The following ITCH variants were observed in gnomAD, a reference collection of about 807,000 sequenced individuals.
The protein encoded by ITCH is itchy E3 ubiquitin protein ligase, also known as E3 ubiquitin-protein ligase Itchy homolog.
In ITCH, 28 loss-of-function variants were observed where a neutral mutation model predicts 126.8. The ratio of observed to expected loss-of-function variants is 0.22; its 90% CI spans 0.16 to 0.30. The LOEUF (loss-of-function observed/expected upper bound fraction) is 0.30, where lower values mean the gene tolerates loss of function less well. Among genes scored for constraint, ITCH ranks in the 10% least tolerant of loss-of-function variants. ITCH has a pLI of 1.00. For synonymous variants in ITCH, 342 were observed against 340.0 expected (o/e 1.01, Z -0.06); for missense variants, 631 against 1,032.4 (o/e 0.61, Z 5.33).
chr20:34,387,788 T>G (rs1355803774), intron 2 of ITCH, among the ~76,000 whole-genome samples: 1 of 151,972 alleles, frequency 6.6e-6, no homozygotes, highest in Non-Finnish European at 1.5e-5. Flanking sequence ...CACTGTAACC[T>G]CCGCCTCCTG....
chr20:34,466,324 A>AT (rs753409530), intron 14 of ITCH: 170 of 515,830 alleles, frequency 3.3e-4, no homozygotes, highest in Middle Eastern at 6.4e-4. Flanking sequence ...TTTTTTGCTG[A>AT]TTTTTTTTTA....
At chr20:34,437,678 A>C (rs1983198727) in intron 7 of ITCH, among the ~76,000 whole-genome samples, 1 of 152,176 alleles carries the variant, frequency 6.6e-6, no homozygotes, top group African/African-American at 2.4e-5. Flanking sequence ...ATGGGTTAGT[A>C]CTGTGTAGTG....
In ITCH at chr20:34,454,817, GTTTTTTTTTTTTTT is replaced by G. The variant is rs200486269; in HGVS notation, c.1211-2557_1211-2544del. Among the ~76,000 whole-genome samples, 240 of 109,550 alleles carry G rather than the reference GTTTTTTTTTTTTTT, an allele frequency of 2.2e-3. 3 individuals are homozygous for G. The highest frequency in any genetic ancestry group is 3.7e-3 in the African/African-American group (98 of 26,396). 71.9% of individuals were successfully genotyped at this position (109,550 alleles called of 152,430 possible). On this transcript the variant is annotated intron_variant, in intron 12 of 24. Transcript: ENST00000374864. Reference sequence around the variant, plus strand: ...ACCAATTTTTCTTTTTTCTTTTCCTGTTTTTTTTTTTTTTTTTTTTTTTTTTTTTGAGATGGAGT... The same window carrying G: ...ACCAATTTTTCTTTTTTCTTTTCCTGTTTTTTTTTTTTTTTGAGATGGAGT...
intron 6 of ITCH, among the ~76,000 whole-genome samples, chr20:34,420,655 AT>A (rs1239654353): frequency 6.6e-6 from 1 of 151,860 alleles, no homozygotes; most frequent in Middle Eastern, 3.4e-3. Context: ...CTTCCTTGTA[AT>A]TTTTTTTGAT....
chr20:34,437,190 G>T lies in ITCH; in HGVS notation c.522-1284G>T, dbSNP rs546167885. ...GAGAGAGATGTTAATTAGCTTGACT[G>T]TAGTACTTTTTTTCACTATGTATAT... On this transcript the variant is annotated intron_variant, in intron 7 of 24. Transcript: ENST00000374864. Among the ~76,000 whole-genome samples the T allele has an allele frequency of 2.0e-5, 3 of 152,124 alleles. No individual in the cohort carries two copies. The East Asian group carries it at 5.8e-4, about 29-fold the overall frequency.
At chr20:34,457,247 C>A in intron 12 of ITCH, 143 bp from the exon 13 acceptor site, 2 of 671,244 alleles carry the variant, frequency 3.0e-6, no homozygotes, top group East Asian at 5.5e-5. Flanking sequence ...ATAAATTAAA[C>A]CTTTTAAAGC....
At chr20:34,387,467 T>C (rs1337325395) in intron 2 of ITCH, among the ~76,000 whole-genome samples, 1 of 151,892 alleles carries the variant, frequency 6.6e-6, no homozygotes, top group African/African-American at 2.4e-5. Flanking sequence ...CCTGTCTCTA[T>C]CTCCCTGTAA....
chr20:34,460,829 T>TG (rs1986438891), intron 13 of ITCH, among the ~76,000 whole-genome samples: 1 of 152,088 alleles, frequency 6.6e-6, no homozygotes, highest in African/African-American at 2.4e-5. Context: ...AAGACCAGCC[T>TG]GGGGAACATA....
At chr20:34,403,738 A>C (rs559324555) in intron 3 of ITCH, among the ~76,000 whole-genome samples, 1 of 152,292 alleles carries the variant, frequency 6.6e-6, no homozygotes, top group Non-Finnish European at 1.5e-5. Flanking sequence ...CTTAGGATTA[A>C]AGAAGCCTTT....
rs1978348950 is a variant in ITCH, at chr20:34,508,078, T to C, written c.*284T>C. 2.5e-6 allele frequency: 1 copy of C among 393,412 alleles called. No individual in the cohort carries two copies. The highest frequency in any genetic ancestry group is 5.6e-5 in the East Asian group (1 of 17,732). The allele number at this position is 393,412 out of a possible 1,614,324, so 24.4% of individuals were successfully genotyped here. ...CACTAGTTTATTCCTTTAACAACAATATTTTATGTGTGTCAAAAGTCTCAC... is the reference window on the plus strand; with the variant it reads ...CACTAGTTTATTCCTTTAACAACAACATTTTATGTGTGTCAAAAGTCTCAC... On this transcript the variant is annotated 3_prime_UTR_variant, in exon 25 of 25. Transcript: ENST00000374864.
chr20:34,398,993 A>T (rs1363090041), intron 3 of ITCH, among the ~76,000 whole-genome samples: 1 of 152,200 alleles, frequency 6.6e-6, no homozygotes, highest in Admixed American at 6.5e-5. Flanking sequence ...CCTTAATGAC[A>T]TCGTGGGTTT....
chr20:34,455,537 A>C (rs1355129011), intron 12 of ITCH, among the ~76,000 whole-genome samples: 1 of 150,484 alleles, frequency 6.6e-6, no homozygotes, highest in East Asian at 2.0e-4. Flanking sequence ...ATCTCGGCAC[A>C]CTGTAACCTC....
At chr20:34,504,902 A>T (rs191463549) in intron 24 of ITCH, among the ~76,000 whole-genome samples, 1 of 152,076 alleles carries the variant, frequency 6.6e-6, no homozygotes, top group Non-Finnish European at 1.5e-5. Context: ...ACTAATGTCT[A>T]TTCCTTTTTG....
At chr20:34,486,773 C>CTCTAA (rs1989153207) in intron 20 of ITCH, among the ~76,000 whole-genome samples, 1 of 151,600 alleles carries the variant, frequency 6.6e-6, no homozygotes. Flanking sequence ...TCTTGCCTCA[C>CTCTAA]GGCAGCGTCC....
At chr20:34,395,106 A>G (rs940004214) in intron 3 of ITCH, among the ~76,000 whole-genome samples, 12 of 151,670 alleles carry the variant, frequency 7.9e-5, no homozygotes, top group Non-Finnish European at 1.2e-4. Flanking sequence ...GGCGGTGCAC[A>G]CCTGTAATCC....
chr20:34,430,772 C>T (rs763455319), intron 7 of ITCH, among the ~76,000 whole-genome samples: 1 of 152,102 alleles, frequency 6.6e-6, no homozygotes, highest in Non-Finnish European at 1.5e-5. Context: ...GTCACCACGC[C>T]CAGCCTAAAA....
At chr20:34,407,196 A>C (rs2146139183) in intron 3 of ITCH, among the ~76,000 whole-genome samples, 1 of 152,326 alleles carries the variant, frequency 6.6e-6, no homozygotes, top group South Asian at 2.1e-4. Context: ...AGATGTTAAA[A>C]AAAAAATCTT....
At chr20:34,399,022 G>A (rs185184390) in intron 3 of ITCH, among the ~76,000 whole-genome samples, 1 of 152,162 alleles carries the variant, frequency 6.6e-6, no homozygotes, top group African/African-American at 2.4e-5. Flanking sequence ...TAATGGGTCA[G>A]TTATAGTATT....
intron 6 of ITCH, among the ~76,000 whole-genome samples, chr20:34,421,569 A>G (rs1388285157): frequency 6.6e-6 from 1 of 151,920 alleles, no homozygotes; most frequent in African/African-American, 2.4e-5. Context: ...CTCTTCTTGG[A>G]CGTTCATTGT....
Sources: allele counts gnomAD v4.1 joint callset (sites outside exome capture counted in the v4.1 genomes callset), GRCh38; gene constraint gnomAD v4.1.1; transcripts MANE v1.5; gene names NCBI Gene and HGNC (gene_info 2026-07-23, HGNC 2026-07-21).